RNF111: variants seen among roughly 807,000 people sequenced by gnomAD.
RNF111 encodes the protein E3 ubiquitin-protein ligase Arkadia.
In RNF111, 17 loss-of-function variants were observed where a neutral mutation model predicts 95.1. That is an observed-to-expected ratio of 0.18 (90% CI 0.12 to 0.27). RNF111 has a LOEUF of 0.27. Among genes scored for constraint, RNF111 ranks in the 10% least tolerant of loss-of-function variants. The pLI is 1.00. For synonymous variants in RNF111, 440 were observed against 414.8 expected, an observed-to-expected ratio of 1.06 and a Z score of -0.74; for missense variants, 1,189 against 1,210.4, an observed-to-expected ratio of 0.98 and a Z score of 0.26.
intron 1 of RNF111, among the ~76,000 whole-genome samples, chr15:59,028,511 G>C (rs918505677): frequency 6.6e-6 from 1 of 152,136 alleles, no homozygotes; most frequent in Admixed American, 6.5e-5. Context: ...TGTGAATGTG[G>C]TCTCTCTCTC....
chr15:59,018,232 A>G (rs1464776030), intron 1 of RNF111, among the ~76,000 whole-genome samples: 1 of 152,240 alleles, frequency 6.6e-6, no homozygotes, highest in East Asian at 1.9e-4. Context: ...GTAGACTAAC[A>G]TCAGTAACTA....
chr15:59,015,269 C>A (rs1414693761), intron 1 of RNF111, among the ~76,000 whole-genome samples: 1 of 152,002 alleles, frequency 6.6e-6, no homozygotes, highest in Non-Finnish European at 1.5e-5. Flanking sequence ...TGAAGGCTTT[C>A]TTTGCATACT....
At chr15:59,022,135 C>T (rs2040376263) in intron 1 of RNF111, among the ~76,000 whole-genome samples, 1 of 152,114 alleles carries the variant, frequency 6.6e-6, no homozygotes, top group Non-Finnish European at 1.5e-5. Context: ...GCTGGGATTA[C>T]AAGCATGAGC....
In RNF111 at chr15:59,030,861, C is replaced by G. The variant is rs768444286; in HGVS notation, c.39C>G (p.Thr13=). Residue 13 remains threonine (T), a synonymous_variant, in exon 2 of 14, where the codon ACC becomes ACG. Coordinates refer to ENST00000348370, the MANE Select transcript of RNF111 (RefSeq NM_017610.8). ...CTCCTGAATATAACGAGCTCTACACCTTAAAAGTGGATATGAAGAGTGAGA... is the reference window on the plus strand; with the variant it reads ...CTCCTGAATATAACGAGCTCTACACGTTAAAAGTGGATATGAAGAGTGAGA... ...QWTPEYNELY[T]LKVDMKSEIP... 13 of 1,613,612 alleles carry G rather than the reference C, an allele frequency of 8.1e-6. No homozygotes were observed. The Middle Eastern group carries it at 4.9e-4, about 61-fold the overall frequency.
In RNF111 at chr15:59,075,703, T is replaced by G. The variant is rs985925380; in HGVS notation, c.1687-251T>G. On this transcript the variant is annotated intron_variant, in intron 6 of 13. Coordinates refer to ENST00000348370, the MANE Select transcript of RNF111 (RefSeq NM_017610.8). ...TTTTGTTCATCTTGTGATAAAATCT[T>G]ATGCTTGATTTTTAAAAATTGGTTT... Among the ~76,000 whole-genome samples, 7 of 152,326 alleles carry G rather than the reference T, an allele frequency of 4.6e-5. No individual in the cohort carries two copies. The South Asian group carries it at 1.2e-3, about 27-fold the overall frequency.
rs116347199 is a variant in RNF111, at chr15:59,087,633, C to T, written c.2550+1848C>T. Reference sequence around the variant, plus strand: ...AGGAAGGGAAAATACATTTACTATTCGTTAAGTGAAAGTGTATCATTATAA... The same window carrying T: ...AGGAAGGGAAAATACATTTACTATTTGTTAAGTGAAAGTGTATCATTATAA... On this transcript the variant is annotated intron_variant, in intron 10 of 13. Transcript: ENST00000348370. 2.0e-3 allele frequency among the ~76,000 whole-genome samples: 309 copies of T among 152,078 alleles called. 1 individual carries two copies. Among genetic ancestry groups the T allele is most frequent in the African/African-American group, 7.0e-3 (292 of 41,472 alleles).
At chr15:59,001,394 A>C (rs933890972) in intron 1 of RNF111, among the ~76,000 whole-genome samples, 2 of 152,088 alleles carry the variant, frequency 1.3e-5, no homozygotes, top group Non-Finnish European at 2.9e-5. Context: ...TGCCATCTCT[A>C]CTTTGCCTGC....
chr15:59,026,329 G>T (rs2040605648), intron 1 of RNF111, among the ~76,000 whole-genome samples: 1 of 151,826 alleles, frequency 6.6e-6, no homozygotes, highest in South Asian at 2.1e-4. Flanking sequence ...TTAGTGCAAG[G>T]TTTACTAATA....
chr15:59,089,797 T>A, intron 11 of RNF111, 38 bp downstream of exon 11: 1 of 1,377,978 alleles, frequency 7.3e-7, no homozygotes, highest in Non-Finnish European at 1.0e-6. Context: ...TGTCACAGTA[T>A]CTTTAATGCA....
At position 59,021,220 on chromosome 15, in the gene RNF111, G is replaced by A. The variant is rs565263646; in HGVS notation, c.-19-9584G>A. On this transcript the variant is annotated intron_variant, in intron 1 of 13. Coordinates refer to ENST00000348370, the MANE Select transcript of RNF111 (RefSeq NM_017610.8). Reference sequence around the variant, plus strand: ...GGATGGAGTGCAGTGATGCGATCTCGGCTCACTGCAAACTCCGCCTCGTGA... The same window carrying A: ...GGATGGAGTGCAGTGATGCGATCTCAGCTCACTGCAAACTCCGCCTCGTGA... Among the ~76,000 whole-genome samples, 13 of 152,174 alleles carry A rather than the reference G, an allele frequency of 8.5e-5. No homozygotes were observed. The South Asian group carries it at 2.1e-3, about 24-fold the overall frequency.
intron 1 of RNF111, among the ~76,000 whole-genome samples, chr15:59,025,198 A>G (rs1432132667): frequency 1.3e-5 from 2 of 152,038 alleles, no homozygotes; most frequent in African/African-American, 4.8e-5. Context: ...AATCAAGTTT[A>G]TCTTATAGTT....
At position 59,091,082 on chromosome 15, in the gene RNF111, A is replaced by G. The variant is rs748749575; in HGVS notation, c.2667A>G (p.Arg889=). The part of the protein sequence containing the change: ...NFEELIHLEE[R]LGNVNRGASQ... ...AGGAACTGATTCATTTGGAAGAAAG[A>G]TTAGGCAATGTCAATCGTGGAGCAT... is the stretch of plus-strand genomic sequence containing the variant. The change falls in exon 12 of 14, where the codon AGA becomes AGG. Residue 889 remains arginine (R), a synonymous_variant. Transcript: ENST00000348370. The G allele has an allele frequency of 5.0e-6, 8 of 1,609,528 alleles. No homozygotes were observed. In the Admixed American group the frequency reaches 1.3e-4, roughly 27 times the overall value.
intron 9 of RNF111, 55 bp from the exon 10 acceptor site, chr15:59,085,604 T>G (rs1180675142): frequency 6.6e-7 from 1 of 1,514,260 alleles, no homozygotes; most frequent in Non-Finnish European, 8.9e-7. Context: ...TCCCCATGTC[T>G]GTTGATAAAA....
At chr15:59,087,992 G>C (rs2078946245) in intron 10 of RNF111, among the ~76,000 whole-genome samples, 1 of 152,210 alleles carries the variant, frequency 6.6e-6, no homozygotes. Context: ...TGGAGACAGT[G>C]AATATAGCCT....
At chr15:59,093,337 CTTTTT>C in intron 13 of RNF111, 78 of 272,044 alleles carry the variant, frequency 2.9e-4, no homozygotes, top group East Asian at 6.7e-4. Context: ...TTTACAGCAT[CTTTTT>C]TTTTTTTTTT....
At chr15:59,034,575 A>G (rs2041079156) in intron 2 of RNF111, among the ~76,000 whole-genome samples, 1 of 152,192 alleles carries the variant, frequency 6.6e-6, no homozygotes, top group Admixed American at 6.5e-5. Flanking sequence ...ATCAGTTTGG[A>G]ATGATTTTTT....
intron 1 of RNF111, among the ~76,000 whole-genome samples, chr15:58,995,411 G>A (rs1428936147): frequency 2.0e-5 from 3 of 151,072 alleles, no homozygotes; most frequent in Non-Finnish European, 4.4e-5. Context: ...TCCCAGATTT[G>A]TCCATTAGGA....
At chr15:59,003,400 C>T (rs1256601174) in intron 1 of RNF111, among the ~76,000 whole-genome samples, 2 of 150,446 alleles carry the variant, frequency 1.3e-5, no homozygotes, top group African/African-American at 2.5e-5. Context: ...CCGCCACACC[C>T]GGCCTTTTTC....
chr15:59,080,489 G>A (rs2078708722), intron 7 of RNF111, among the ~76,000 whole-genome samples: 1 of 152,018 alleles, frequency 6.6e-6, no homozygotes, highest in African/African-American at 2.4e-5. Context: ...TTTATTAACT[G>A]GCATCTAAAT....
Sources: gnomAD v4.1 joint callset for allele counts (sites outside exome capture counted in the v4.1 genomes callset) on GRCh38, gnomAD v4.1.1 for gene constraint, MANE v1.5 for transcripts, NCBI Gene and HGNC (gene_info 2026-07-23, HGNC 2026-07-21) for gene names.